The following PPP1R1C variants were observed in gnomAD, a reference collection of about 807,000 sequenced individuals.
PPP1R1C encodes the protein protein phosphatase 1 regulatory inhibitor subunit 1C, also known as protein phosphatase 1 regulatory subunit 1C.
PPP1R1C carries 15 observed loss-of-function variants against 17.4 expected under a neutral mutation model. The ratio of observed to expected loss-of-function variants is 0.86; its 90% CI spans 0.58 to 1.33. The LOEUF is 1.33. PPP1R1C is among the 40% of genes most tolerant of loss of function. The pLI is 0.00. For missense variants in PPP1R1C, 143 were observed against 130.0 expected, an observed-to-expected ratio of 1.10 and a Z score of -0.48; for synonymous variants, 35 against 43.1, an observed-to-expected ratio of 0.81 and a Z score of 0.73.
intron 4 of PPP1R1C, among the ~76,000 whole-genome samples, chr2:182,088,000 C>T (rs899362187): frequency 4.6e-5 from 7 of 152,030 alleles, no homozygotes; most frequent in African/African-American, 1.7e-4. Context: ...ATGCTGTCAC[C>T]ATCTTCCAGA....
intron 1 of PPP1R1C, among the ~76,000 whole-genome samples, chr2:181,969,401 C>G (rs139758381): frequency 1.2e-3 from 189 of 152,186 alleles, no homozygotes; most frequent in African/African-American, 4.3e-3. Context: ...TCTTTTAGCA[C>G]TTTATATATG....
At chr2:182,082,383 T>G (rs1049623169) in intron 4 of PPP1R1C, among the ~76,000 whole-genome samples, 8 of 152,202 alleles carry the variant, frequency 5.3e-5, no homozygotes, top group African/African-American at 1.9e-4. Flanking sequence ...CAAATTATGT[T>G]TGACAAACAT....
chr2:182,114,222 G>A (rs1049912521), intron 4 of PPP1R1C, among the ~76,000 whole-genome samples: 2 of 152,134 alleles, frequency 1.3e-5, no homozygotes, highest in Admixed American at 1.3e-4. Flanking sequence ...GTCTGCACTT[G>A]CTCCTGAGGC....
chr2:182,072,036 G>A (rs957641898), intron 4 of PPP1R1C, among the ~76,000 whole-genome samples: 12 of 152,286 alleles, frequency 7.9e-5, no homozygotes, highest in Non-Finnish European at 1.5e-4. Context: ...AAATATATGT[G>A]TGAATAAGCA....
At chr2:182,015,225 G>T (rs1017711876) in intron 2 of PPP1R1C, among the ~76,000 whole-genome samples, 30 of 152,096 alleles carry the variant, frequency 2.0e-4, no homozygotes, top group African/African-American at 7.2e-4. Flanking sequence ...ATTGAATCAT[G>T]GGGGCAGTTT....
At chr2:182,024,854 CA>C in intron 2 of PPP1R1C, among the ~76,000 whole-genome samples, 1 of 138,234 alleles carries the variant, frequency 7.2e-6, no homozygotes, top group Non-Finnish European at 1.6e-5. Context: ...GAATCTGTCT[CA>C]AAAAACAAAC....
intron 2 of PPP1R1C, among the ~76,000 whole-genome samples, chr2:182,002,395 A>G (rs978133677): frequency 7.2e-5 from 11 of 152,102 alleles, no homozygotes; most frequent in African/African-American, 2.4e-4. Flanking sequence ...GAGAAGGAAT[A>G]AAAAACGATT....
intron 2 of PPP1R1C, 72 bp downstream of exon 2, chr2:181,987,971 C>A: frequency 7.7e-7 from 1 of 1,295,332 alleles, no homozygotes; most frequent in African/African-American, 1.5e-5. Flanking sequence ...AAGTACATGT[C>A]GTACTGAAAA....
At position 181,964,227 on chromosome 2, in the gene PPP1R1C, GC is replaced by G. The variant is rs558536199; in HGVS notation, n.111+9594del. Among the ~76,000 whole-genome samples the G allele has an allele frequency of 1.9e-3, 290 of 152,222 alleles. 1 individual carries two copies. The highest frequency in any genetic ancestry group is 3.2e-3 in the Non-Finnish European group (219 of 68,012). On this transcript the variant is annotated intron_variant and non_coding_transcript_variant, in intron 1 of 5. Coordinates refer to the PPP1R1C transcript ENST00000464264. ...GAACATACAAAGTTTGTCTTCCTGT[GC>G]TTGGCTTATTTCACTTAATTAACAT...
chr2:182,019,682 T>A (rs1686358803), intron 2 of PPP1R1C, among the ~76,000 whole-genome samples: 1 of 152,162 alleles, frequency 6.6e-6, no homozygotes, highest in Admixed American at 6.5e-5. Flanking sequence ...TGATACCATA[T>A]AACAAATCAG....
chr2:182,104,363 T>C (rs112776169), intron 4 of PPP1R1C, among the ~76,000 whole-genome samples: 2 of 152,216 alleles, frequency 1.3e-5, no homozygotes, highest in African/African-American at 4.8e-5. Context: ...ACTCCTTTTA[T>C]ACCTAATTTG....
rs77388214 is a variant in PPP1R1C, at chr2:182,021,032, G to A, written c.142+33133G>A. Among the ~76,000 whole-genome samples, 484 of 152,096 alleles carry A rather than the reference G, an allele frequency of 3.2e-3. 2 individuals carry two copies. The highest frequency in any genetic ancestry group is 0.011 in the African/African-American group (455 of 41,488). On this transcript the variant is annotated intron_variant, in intron 2 of 4. Coordinates refer to ENST00000682840, the MANE Select transcript of PPP1R1C (RefSeq NM_001080545.3). Reference sequence around the variant, plus strand: ...CCACCCTTTGTTTTCATGATCCCACGCCCTCTTTTTCTGTAATACCCTGGG... The same window carrying A: ...CCACCCTTTGTTTTCATGATCCCACACCCTCTTTTTCTGTAATACCCTGGG...
intron 4 of PPP1R1C, among the ~76,000 whole-genome samples, chr2:182,102,902 A>T (rs1023249695): frequency 4.9e-4 from 75 of 151,912 alleles, no homozygotes; most frequent in African/African-American, 1.7e-3. Flanking sequence ...GCACTCCTGG[A>T]CTCAAGTGAA....
At chr2:182,103,862 G>A (rs534877587) in intron 4 of PPP1R1C, 10 of 152,256 alleles carry the variant, frequency 6.6e-5, no homozygotes, top group Admixed American at 2.0e-4. Flanking sequence ...GGAGGGAATC[G>A]AGCAGATTTT....
intron 2 of PPP1R1C, among the ~76,000 whole-genome samples, chr2:182,002,831 G>A (rs1039630666): frequency 2.0e-5 from 3 of 150,628 alleles, no homozygotes; most frequent in Non-Finnish European, 3.0e-5. Context: ...TTTGAAATTT[G>A]TGTTTATAAG....
At chr2:182,118,168 C>G (rs184396292), downstream of PPP1R1C, among the ~76,000 whole-genome samples, 20 of 152,028 alleles carry the variant, frequency 1.3e-4, no homozygotes, top group East Asian at 3.7e-3. Flanking sequence ...ATTAATTAAA[C>G]AAATATCTTT....
At chr2:182,035,656 C>G (rs1020882041) in intron 2 of PPP1R1C, among the ~76,000 whole-genome samples, 2 of 152,044 alleles carry the variant, frequency 1.3e-5, no homozygotes, top group African/African-American at 4.8e-5. Flanking sequence ...AGCACCTCCC[C>G]CTTCGCTCTC....
intron 2 of PPP1R1C, among the ~76,000 whole-genome samples, chr2:182,021,638 A>G (rs2125163491): frequency 6.6e-6 from 1 of 152,146 alleles, no homozygotes; most frequent in African/African-American, 2.4e-5. Flanking sequence ...AAAAATGGTT[A>G]TTTTCTTAAG....
In PPP1R1C at chr2:181,987,909, C is replaced by T; in HGVS notation, c.142+10C>T. 6.2e-7 allele frequency: 1 copy of T among 1,606,288 alleles called. No homozygotes were observed. On this transcript the variant is annotated intron_variant, in intron 2 of 4. Coordinates refer to ENST00000682840, the MANE Select transcript of PPP1R1C (RefSeq NM_001080545.3). ...GAGCATAACCCCCCAGGTAAAGAAG[C>T]ATGATGTGTTTCACACTGATGGAAC...
Sources: allele counts gnomAD v4.1 joint callset (sites outside exome capture counted in the v4.1 genomes callset), GRCh38; gene constraint gnomAD v4.1.1; transcripts MANE v1.5; gene names NCBI Gene and HGNC (gene_info 2026-07-23, HGNC 2026-07-21).